The following PDE11A variants were observed in gnomAD, a reference collection of about 807,000 sequenced individuals.
PDE11A encodes phosphodiesterase 11A.
In PDE11A, 100 loss-of-function variants were observed where a neutral mutation model predicts 100.5. The ratio of observed to expected loss-of-function variants is 1.00; its 90% confidence interval spans 0.85 to 1.18. The LOEUF is 1.18. PDE11A is among the 50% of genes most tolerant of loss of function. PDE11A has a pLI of 0.00. For missense variants in PDE11A, 1,141 were observed against 1,152.6 expected, an observed-to-expected ratio of 0.99 and a Z score of 0.15; for synonymous variants, 381 against 420.8, an observed-to-expected ratio of 0.91 and a Z score of 1.16.
At chr2:177,881,166 C>T (rs899367863) in intron 4 of PDE11A, among the ~76,000 whole-genome samples, 1 of 151,572 alleles carries the variant, frequency 6.6e-6, no homozygotes, top group African/African-American at 2.4e-5. Context: ...TTCCCCTGTC[C>T]TCAGACACTG....
intron 2 of PDE11A, among the ~76,000 whole-genome samples, chr2:177,973,086 A>C (rs2085793175): frequency 1.3e-5 from 2 of 151,952 alleles, no homozygotes; most frequent in South Asian, 4.2e-4. Flanking sequence ...AGGAGGAGTC[A>C]AGATGGCCGA....
intron 4 of PDE11A, among the ~76,000 whole-genome samples, chr2:177,893,233 T>C (rs978715420): frequency 6.6e-6 from 1 of 152,220 alleles, no homozygotes; most frequent in Non-Finnish European, 1.5e-5. Flanking sequence ...TTCAAGCCTT[T>C]AGGAAAAAGT....
chr2:178,094,701 A>G (rs1256115196), intron 2 of PDE11A, among the ~76,000 whole-genome samples: 5 of 152,178 alleles, frequency 3.3e-5, no homozygotes, highest in Admixed American at 6.5e-5. Flanking sequence ...GTAAAGAAAT[A>G]CCCAAGACTG....
intron 2 of PDE11A, among the ~76,000 whole-genome samples, chr2:178,081,055 T>C (rs2087278716): frequency 6.6e-6 from 1 of 152,172 alleles, no homozygotes; most frequent in Non-Finnish European, 1.5e-5. Context: ...TGTTGCCAAA[T>C]TAACCTTACT....
chr2:178,005,147 C>G (rs1003367615), intron 2 of PDE11A, among the ~76,000 whole-genome samples: 12 of 150,704 alleles, frequency 8.0e-5, no homozygotes, highest in Non-Finnish European at 1.3e-4. Context: ...ACATGAACAC[C>G]TGGAGTAAAG....
intron 13 of PDE11A, chr2:177,702,386 G>T (rs2081211419): frequency 6.6e-6 from 1 of 151,928 alleles, no homozygotes; most frequent in Non-Finnish European, 1.5e-5. Context: ...AGCATCTTAA[G>T]AATCAAGAGA....
intron 10 of PDE11A, among the ~76,000 whole-genome samples, chr2:177,736,810 C>T (rs2081791006): frequency 6.6e-6 from 1 of 152,160 alleles, no homozygotes; most frequent in South Asian, 2.1e-4. Flanking sequence ...GCTCTTCCTC[C>T]CATGGAAGAG....
At chr2:177,674,429 C>T (rs558046260) in intron 17 of PDE11A, among the ~76,000 whole-genome samples, 3 of 152,318 alleles carry the variant, frequency 2.0e-5, no homozygotes, top group Admixed American at 2.0e-4. Context: ...TTCCTTGCCT[C>T]TTCCAGTTTT....
At chr2:177,926,881 C>T (rs1446863205) in intron 2 of PDE11A, 1 of 152,112 alleles carries the variant, frequency 6.6e-6, no homozygotes, top group Non-Finnish European at 1.5e-5. Flanking sequence ...ATCTGCAAAT[C>T]CTAATCAATG....
chr2:177,639,021 G>A (rs1218112174), intron 19 of PDE11A, among the ~76,000 whole-genome samples: 2 of 152,096 alleles, frequency 1.3e-5, no homozygotes, highest in African/African-American at 4.8e-5. Flanking sequence ...TCTTCCCTGG[G>A]AACTGTAACC....
intron 10 of PDE11A, among the ~76,000 whole-genome samples, chr2:177,750,312 A>G (rs1254277577): frequency 6.6e-6 from 1 of 152,226 alleles, no homozygotes; most frequent in Non-Finnish European, 1.5e-5. Flanking sequence ...TACTGACAAT[A>G]AAAAATGAAG....
intron 2 of PDE11A, chr2:177,998,369 A>T: frequency 1.2e-6 from 1 of 821,466 alleles, no homozygotes; most frequent in Non-Finnish European, 2.2e-6. Context: ...TGAACAATGA[A>T]CCTAAAGTCC....
chr2:177,771,748 T>A (rs1420361282), intron 9 of PDE11A, among the ~76,000 whole-genome samples: 2 of 152,148 alleles, frequency 1.3e-5, no homozygotes, highest in African/African-American at 4.8e-5. Flanking sequence ...TTACTTAAAA[T>A]GTTACTTTCT....
At chr2:178,091,470 T>C (rs747699001) in intron 2 of PDE11A, among the ~76,000 whole-genome samples, 1 of 152,158 alleles carries the variant, frequency 6.6e-6, no homozygotes, top group Non-Finnish European at 1.5e-5. Context: ...TGGTGCCAGA[T>C]CTCTCTAGGT....
intron 10 of PDE11A, among the ~76,000 whole-genome samples, chr2:177,761,490 T>C (rs961771160): frequency 1.3e-5 from 2 of 152,202 alleles, no homozygotes; most frequent in African/African-American, 4.8e-5. Context: ...GATATAAGGG[T>C]TACCAAATGA....
At chr2:177,785,602 C>A (rs1574139436) in intron 9 of PDE11A, among the ~76,000 whole-genome samples, 1 of 152,202 alleles carries the variant, frequency 6.6e-6, no homozygotes, top group Non-Finnish European at 1.5e-5. Context: ...ACTCGGGAAG[C>A]ACAAGGGGTC....
chr2:177,730,303 AC>A (rs1389131531), intron 10 of PDE11A, among the ~76,000 whole-genome samples: 5 of 152,028 alleles, frequency 3.3e-5, no homozygotes, highest in Admixed American at 1.3e-4. Context: ...TTCAGTTCCC[AC>A]CTATGAGTGA....
chr2:177,946,376 AG>A, intron 2 of PDE11A, among the ~76,000 whole-genome samples: 1 of 101,650 alleles, frequency 9.8e-6, no homozygotes, highest in East Asian at 3.5e-4. Flanking sequence ...CCGGGAGGTG[AG>A]GGGCGCCTCT....
chr2:177,881,808 C>T (rs896259648), intron 4 of PDE11A, among the ~76,000 whole-genome samples: 17 of 152,310 alleles, frequency 1.1e-4, no homozygotes, highest in African/African-American at 2.2e-4. Flanking sequence ...CAATTGAGAT[C>T]GTGCAGGCCA....
Sources: allele counts gnomAD v4.1 joint callset (sites outside exome capture counted in the v4.1 genomes callset), GRCh38; gene constraint gnomAD v4.1.1; transcripts MANE v1.5; gene names NCBI Gene and HGNC (gene_info 2026-07-23, HGNC 2026-07-21).